The following CELF2 variants were observed in gnomAD, a reference collection of about 807,000 sequenced individuals.
The protein encoded by CELF2 is CUGBP Elav-like family member 2, also known as CUG triplet repeat RNA-binding protein 2.
CELF2 carries 8 observed loss-of-function variants against 62.6 expected under a neutral mutation model. The ratio of observed to expected loss-of-function variants is 0.13; its 90% CI spans 0.07 to 0.23. The LOEUF (loss-of-function observed/expected upper bound fraction) is 0.23, where lower values mean the gene tolerates loss of function less well. CELF2 is among the 10% of genes least tolerant of loss of function. The pLI is 1.00. For missense variants in CELF2, 333 were observed against 671.0 expected (o/e 0.50, Z 5.56); for synonymous variants, 258 against 250.0 (o/e 1.03, Z -0.30).
intron 2 of CELF2, among the ~76,000 whole-genome samples, chr10:11,204,430 TGAAAA>T (rs1455449344): frequency 6.6e-6 from 1 of 152,106 alleles, no homozygotes. Context: ...AACTCCAAGT[TGAAAA>T]GAAAACCATA....
chr10:10,699,914 A>G, the CELF2 span, among the ~76,000 whole-genome samples: 1 of 152,088 alleles, frequency 6.6e-6, no homozygotes, highest in Non-Finnish European at 1.5e-5. Flanking sequence ...TTTTCCTTCC[A>G]TCTTCATGGA....
chr10:10,971,617 C>T (rs1001429591), intron 2 of CELF2, among the ~76,000 whole-genome samples: 2 of 152,122 alleles, frequency 1.3e-5, no homozygotes, highest in Non-Finnish European at 2.9e-5. Context: ...GACAGAGTTT[C>T]GCTCTGTCGC....
intron 3 of CELF2, among the ~76,000 whole-genome samples, chr10:11,236,390 A>G (rs1430043850): frequency 6.6e-6 from 1 of 152,248 alleles, no homozygotes; most frequent in African/African-American, 2.4e-5. Flanking sequence ...TTAACAGAGC[A>G]TTGAAGCTGC....
At chr10:10,873,017 C>A (rs1473839178) in intron 1 of CELF2, among the ~76,000 whole-genome samples, 2 of 152,254 alleles carry the variant, frequency 1.3e-5, no homozygotes, top group Middle Eastern at 3.4e-3. Context: ...TGCCTCATGT[C>A]AGCTTTCCTC....
At chr10:10,886,707 A>G (rs948057982) in intron 1 of CELF2, among the ~76,000 whole-genome samples, 3 of 152,162 alleles carry the variant, frequency 2.0e-5, no homozygotes, top group Admixed American at 1.3e-4. Context: ...ATGTGGGTGC[A>G]TGCCCGTGGT....
the CELF2 span, among the ~76,000 whole-genome samples, chr10:10,770,778 A>G: frequency 6.6e-6 from 1 of 152,034 alleles, no homozygotes; most frequent in African/African-American, 2.4e-5. Context: ...GAATTTGGCT[A>G]ATCTGTTTAA....
chr10:10,657,795 G>A, the CELF2 span, among the ~76,000 whole-genome samples: 1 of 152,060 alleles, frequency 6.6e-6, no homozygotes, highest in African/African-American at 2.4e-5. Context: ...TTCAGTTGGG[G>A]ATACAAGATG....
intron 9 of CELF2, among the ~76,000 whole-genome samples, chr10:11,295,099 G>A (rs567749297): frequency 1.3e-5 from 2 of 152,262 alleles, no homozygotes; most frequent in East Asian, 1.9e-4. Flanking sequence ...TTCTTTGCTC[G>A]TGACATTATG....
the CELF2 span, among the ~76,000 whole-genome samples, chr10:10,462,565 G>A: frequency 7.3e-6 from 1 of 136,848 alleles, no homozygotes; most frequent in Non-Finnish European, 1.5e-5. Context: ...TCCTGTGAGC[G>A]AGTTGGTGCT....
At chr10:11,080,916 G>T (rs1284854782) in intron 1 of CELF2, among the ~76,000 whole-genome samples, 1 of 152,212 alleles carries the variant, frequency 6.6e-6, no homozygotes, top group Non-Finnish European at 1.5e-5. Context: ...GCAGGCTAGG[G>T]CTGTCTGTCT....
chr10:10,872,120 A>G (rs1308596572), intron 1 of CELF2, among the ~76,000 whole-genome samples: 1 of 152,028 alleles, frequency 6.6e-6, no homozygotes, highest in Non-Finnish European at 1.5e-5. Context: ...CTCTCCCTCA[A>G]CCTTCCCCAT....
intron 2 of CELF2, among the ~76,000 whole-genome samples, chr10:10,980,998 A>G (rs2052026367): frequency 6.6e-6 from 1 of 152,188 alleles, no homozygotes; most frequent in Admixed American, 6.5e-5. Context: ...TACACTTTTT[A>G]TAATGAAGGT....
At chr10:11,326,509 G>A (rs1052673058) in intron 12 of CELF2, among the ~76,000 whole-genome samples, 1 of 152,176 alleles carries the variant, frequency 6.6e-6, no homozygotes, top group African/African-American at 2.4e-5. Flanking sequence ...GAATGAATGC[G>A]GAGTCCAGGG....
At chr10:10,616,675 CGTGTGTGTGTGTGTGCGTGTGTGT>C in the CELF2 span, among the ~76,000 whole-genome samples, 54 of 134,132 alleles carry the variant, frequency 4.0e-4, 2 homozygotes, top group African/African-American at 1.5e-3. Flanking sequence ...CACCCAAATT[CGTGTGTGTGTGTGTGCGTGTGTGT>C]GTGTGTGTGT....
intron 2 of CELF2, among the ~76,000 whole-genome samples, chr10:11,193,647 G>A (rs771269683): frequency 6.6e-6 from 1 of 152,174 alleles, no homozygotes; most frequent in Non-Finnish European, 1.5e-5. Flanking sequence ...CCACCTAGGG[G>A]CCGGGTGTAC....
chr10:10,709,329 C>A, the CELF2 span, among the ~76,000 whole-genome samples: 39 of 152,280 alleles, frequency 2.6e-4, no homozygotes, highest in South Asian at 8.1e-3. Flanking sequence ...AAAGAAATCT[C>A]CAGTTTCCTC....
rs996618924 is a variant in CELF2 at position 11,222,961 on chromosome 10, G to A, written c.354+5454G>A. 1.1e-4 allele frequency among the ~76,000 whole-genome samples: 16 copies of A among 152,334 alleles called. No individual in the cohort carries two copies. In the South Asian group the frequency reaches 3.3e-3, roughly 32 times the overall value. On this transcript the variant is annotated intron_variant, in intron 3 of 12. Transcript: ENST00000633077. ...ACCTTCCACACGTACACCTGTGGAT[G>A]TCAGTCCAAATAAATGGAGGAAGAT...
intron 1 of CELF2, among the ~76,000 whole-genome samples, chr10:11,102,457 T>C (rs1268225365): frequency 2.0e-5 from 3 of 152,246 alleles, no homozygotes; most frequent in Non-Finnish European, 4.4e-5. Context: ...GCATATGCTA[T>C]TGAATCTTTT....
chr10:10,984,087 G>T (rs1001486272), intron 2 of CELF2, among the ~76,000 whole-genome samples: 1 of 152,150 alleles, frequency 6.6e-6, no homozygotes, highest in African/African-American at 2.4e-5. Flanking sequence ...TTATGTGTCA[G>T]CTTCCTGGCA....
Sources: gnomAD v4.1 joint callset for allele counts (sites outside exome capture counted in the v4.1 genomes callset) on GRCh38, gnomAD v4.1.1 for gene constraint, MANE v1.5 for transcripts, NCBI Gene and HGNC (gene_info 2026-07-23, HGNC 2026-07-21) for gene names.